Variants in USP6 observed in about 807,000 individuals in gnomAD.
USP6 encodes the protein ubiquitin carboxyl-terminal hydrolase 6.
Under a neutral mutation model 175.7 loss-of-function variants are expected in USP6, and 128 were observed. The observed-to-expected ratio is 0.73, with a 90% CI of 0.63 to 0.84. The LOEUF is 0.84. Among genes scored for constraint, USP6 ranks in the 40% least tolerant of loss-of-function variants. The probability of loss-of-function intolerance (pLI) is 0.00; values close to 1 mark genes in which losing one functional copy is unlikely to be tolerated. For missense variants in USP6, 1,498 were observed against 1,760.3 expected, an observed-to-expected ratio of 0.85 and a Z score of 2.67; for synonymous variants, 562 against 630.6, an observed-to-expected ratio of 0.89 and a Z score of 1.63.
chr17:5,141,931 G>T, intron 23 of USP6, 72 bp from the exon 24 acceptor site: 14 of 1,533,324 alleles, frequency 9.1e-6, no homozygotes, highest in Non-Finnish European at 1.1e-5. Context: ...TCTTTTCATT[G>T]AATATAAGTA....
chr17:5,138,420 G>A, intron 21 of USP6, 147 bp downstream of exon 21: 3 of 1,443,810 alleles, frequency 2.1e-6, no homozygotes, highest in Non-Finnish European at 1.9e-6. Context: ...GAAAGTACAG[G>A]AGGCCCACCG....
At chr17:5,116,904 G>C (rs562152015) in intron 1 of USP6, among the ~76,000 whole-genome samples, 164 bp downstream of exon 1, 1 of 152,306 alleles carries the variant, frequency 6.6e-6, no homozygotes, top group Admixed American at 6.5e-5. Context: ...AGCTAGGTAC[G>C]GAGGGAGCAA....
Position 5,135,890 on chromosome 17 carries a change from T to C in USP6, c.626T>C (p.Leu209Pro), listed in dbSNP as rs1469989090. The C allele has an allele frequency of 1.3e-6, 2 of 1,599,278 alleles. No homozygotes were observed. The highest frequency in any genetic ancestry group is 1.7e-5 in the Admixed American group (1 of 60,022). Residue 209 changes from leucine to proline, a missense_variant, in exon 17 of 38, where the codon CTG (leucine) becomes CCG (proline). Physicochemically the swap from Leu to Pro is moderately conservative, Grantham distance 98. Around this residue, in one of 2 missense-constraint regions of USP6, gnomAD observed 1,217 missense variants for 1,500.8 expected, o/e 0.81. Coordinates refer to ENST00000574788, the MANE Select transcript of USP6 (RefSeq NM_001304284.2). ...CCTGAGGAGGACGCATTCTGGGCAC[T>C]GGTGCAGCTGCTGGCCAGTGAGAGG... ...YLPEEDAFWA[L>P]VQLLASERHS... is the part of the protein sequence containing the mutation.
rs747469477 is a variant in USP6 at position 5,130,437 on chromosome 17, A to G, written c.70A>G (p.Lys24Glu). ...ERKDILMKYD[K>E]GHRAGLPEDK... Reference sequence around the variant, plus strand: ...GAAGGACATACTTATGAAGTATGACAAGGTACAGTTCGGTCTGCTCCTTGG... The same window carrying G: ...GAAGGACATACTTATGAAGTATGACGAGGTACAGTTCGGTCTGCTCCTTGG... The change falls in exon 10 of 38, where the codon AAG (lysine) becomes GAG (glutamate). Residue 24 changes from lysine to glutamate, a missense_variant and splice_region_variant. Around this residue, in one of 2 missense-constraint regions of USP6, gnomAD observed 281 missense variants for 259.6 expected, o/e 1.08. Coordinates refer to ENST00000574788, the MANE Select transcript of USP6 (RefSeq NM_001304284.2). The G allele has an allele frequency of 1.2e-6, 2 of 1,614,108 alleles. No homozygotes were observed. Among genetic ancestry groups the G allele is most frequent in the South Asian group, 2.2e-5 (2 of 91,084 alleles).
chr17:5,172,403 T>TGGGG (rs2074245445), intron 37 of USP6, among the ~76,000 whole-genome samples: 1 of 151,944 alleles, frequency 6.6e-6, no homozygotes, highest in South Asian at 2.1e-4. Flanking sequence ...TGGTGGCACA[T>TGGGG]GCCTGTAGTC....
At position 5,142,018 on chromosome 17, in the gene USP6, G is replaced by A; in HGVS notation, c.1589G>A (p.Gly530Glu). 2 of 1,612,870 alleles carry A rather than the reference G, an allele frequency of 1.2e-6. No homozygotes were observed. The highest frequency in any genetic ancestry group is 2.2e-5 in the South Asian group (2 of 90,716). ...IDRQKVPTEK[G>E]ATGLSNLGNT... ...TTTGTTCCAGTTCCCACAGAAAAGGGAGCCACAGGTCTAAGCAACCTGGGA... is the reference window on the plus strand; with the variant it reads ...TTTGTTCCAGTTCCCACAGAAAAGGAAGCCACAGGTCTAAGCAACCTGGGA... Residue 530 changes from glycine to glutamate, a missense_variant, in exon 24 of 38, where the codon GGA becomes GAA. Physicochemically the swap from Gly to Glu is moderately conservative, Grantham distance 98. This residue lies in a region of USP6 where 1,217 missense variants were observed against 1,500.8 expected (regional missense o/e 0.81). Transcript: ENST00000574788.
intron 35 of USP6, among the ~76,000 whole-genome samples, chr17:5,170,004 A>G (rs1598105908): frequency 6.6e-6 from 1 of 152,368 alleles, no homozygotes; most frequent in East Asian, 1.9e-4. Flanking sequence ...GTAAGAGGCT[A>G]TAACTAAAAG....
chr17:5,161,714 A>G, intron 32 of USP6, 100 bp downstream of exon 32: 1 of 1,345,148 alleles, frequency 7.4e-7, no homozygotes, highest in East Asian at 2.4e-5. Flanking sequence ...ATAGTGAATA[A>G]TGAGAAACTT....
chr17:5,152,620 C>G (rs2073798430), intron 30 of USP6, among the ~76,000 whole-genome samples: 1 of 152,200 alleles, frequency 6.6e-6, no homozygotes, highest in Middle Eastern at 3.4e-3. Context: ...GAACATTATA[C>G]AGGAATGAAA....
intron 30 of USP6, among the ~76,000 whole-genome samples, chr17:5,149,780 A>G (rs1164993781): frequency 6.6e-6 from 1 of 152,052 alleles, no homozygotes; most frequent in Non-Finnish European, 1.5e-5. Flanking sequence ...CTAATATATA[A>G]CTATTGCATT....
chr17:5,161,548 A>G lies in USP6; in HGVS notation c.2849A>G (p.Gln950Arg). The G allele has an allele frequency of 6.2e-7, 1 of 1,613,986 alleles. No homozygotes were observed. Among genetic ancestry groups the G allele is most frequent in the Non-Finnish European group, 8.5e-7 (1 of 1,179,868 alleles). Reference protein sequence around the residue: ...AQDRDNCMGYQYPFTLRVVQK... With the variant: ...AQDRDNCMGYRYPFTLRVVQK... ...TTCAGTGATAACTGTATGGGCTATC[A>G]ATATCCATTCACTCTACGAGTTGTG... is the stretch of plus-strand genomic sequence containing the variant. The change falls in exon 32 of 38, where the codon CAA becomes CGA. Residue 950 changes from glutamine (Q) to arginine (R), a missense_variant. Transcript: ENST00000574788.
At chr17:5,131,527 G>C (rs566058001) in intron 11 of USP6, among the ~76,000 whole-genome samples, 1 of 150,388 alleles carries the variant, frequency 6.6e-6, no homozygotes, top group African/African-American at 2.5e-5. Context: ...ACCTACCCCT[G>C]TTCTCCCCCA....
Position 5,170,544 on chromosome 17 carries a change from A to G in USP6, c.3583A>G (p.Ser1195Gly), listed in dbSNP as rs770103395. 3 of 1,611,950 alleles carry G rather than the reference A, an allele frequency of 1.9e-6. No individual in the cohort carries two copies. The highest frequency in any genetic ancestry group is 2.5e-6 in the Non-Finnish European group (3 of 1,179,792). ...CPSSKNSSPN[S>G]SPRTLGRSKG... ...CTCCAGCAAAAACAGCAGCCCTAAT[A>G]GCAGCCCACGGACTTTGGGGAGGAG... Residue 1195 changes from serine (S) to glycine (G), a missense_variant, in exon 36 of 38, where the codon AGC becomes GGC. This residue lies in a region of USP6 where 1,217 missense variants were observed against 1,500.8 expected (regional missense o/e 0.81). Transcript: ENST00000574788.
chr17:5,141,245 C>T (rs1307461563), intron 22 of USP6, among the ~76,000 whole-genome samples, 180 bp from the exon 23 acceptor site: 2 of 151,984 alleles, frequency 1.3e-5, no homozygotes, highest in Non-Finnish European at 2.9e-5. Flanking sequence ...GACAAAATCA[C>T]CTAATGATGC....
At chr17:5,138,919 G>C in intron 21 of USP6, 2 of 1,155,842 alleles carry the variant, frequency 1.7e-6, no homozygotes, top group Non-Finnish European at 2.4e-6. Flanking sequence ...AAGGAGCTGG[G>C]TGACATCCAA....
rs556117729 is a variant in USP6 at position 5,135,920 on chromosome 17, C to G, written c.656C>G (p.Ser219Cys). Residue 219 changes from serine (S) to cysteine (C), a missense_variant, in exon 17 of 38, where the codon TCC (serine) becomes TGC (cysteine). Coordinates refer to ENST00000574788, the MANE Select transcript of USP6 (RefSeq NM_001304284.2). ...CAGCTGCTGGCCAGTGAGAGGCACT[C>G]CCTGCCAGGTAGGTGAACAGCTGCC... The part of the protein sequence containing the change: ...LVQLLASERH[S>C]LPGFHSPNGG... 3.1e-6 allele frequency: 5 copies of G among 1,598,398 alleles called. No individual in the cohort carries two copies. The highest frequency in any genetic ancestry group is 4.4e-4 in the Middle Eastern group (2 of 4,526).
At chr17:5,123,708 C>T (rs1406595422) in intron 4 of USP6, among the ~76,000 whole-genome samples, 1 of 152,178 alleles carries the variant, frequency 6.6e-6, no homozygotes, top group Non-Finnish European at 1.5e-5. Context: ...TTCGTTCGCT[C>T]TCACGGGACA....
At chr17:5,164,921 T>A (rs1188114139) in intron 33 of USP6, among the ~76,000 whole-genome samples, 1 of 152,234 alleles carries the variant, frequency 6.6e-6, no homozygotes, top group Non-Finnish European at 1.5e-5. Flanking sequence ...TAGCATTTTT[T>A]AGGAGAGTAA....
rs146860000 is a variant in USP6, at chr17:5,139,552, C to T, written c.1376C>T (p.Thr459Met). 8.0e-5 allele frequency: 129 copies of T among 1,613,840 alleles called. 1 individual carries two copies. In the African/African-American group the frequency reaches 9.7e-4, roughly 12 times the overall value. Residue 459 changes from threonine (T) to methionine (M), a missense_variant, in exon 22 of 38, where the codon ACG becomes ATG. Around this residue, in one of 2 missense-constraint regions of USP6, gnomAD observed 1,217 missense variants for 1,500.8 expected, o/e 0.81. Transcript: ENST00000574788. The stretch of plus-strand genomic sequence containing the variant: ...TGGAAGTCAATGCCCCGGCTCCCAA[C>T]GGACCTGGATATAGGGGGCCCTTGG... Reference protein sequence around the residue: ...LEWKSMPRLPTDLDIGGPWFP... With the variant: ...LEWKSMPRLPMDLDIGGPWFP...
Sources: allele counts gnomAD v4.1 joint callset (sites outside exome capture counted in the v4.1 genomes callset), GRCh38; gene constraint gnomAD v4.1.1; regional missense constraint gnomAD v4.1.1; transcripts MANE v1.5; gene names NCBI Gene and HGNC (gene_info 2026-07-23, HGNC 2026-07-21).